Variants in RANBP2 observed in about 807,000 individuals in gnomAD.
RANBP2 encodes the protein RAN binding protein 2.
Under a neutral mutation model 303.6 loss-of-function variants are expected in RANBP2, and 57 were observed. The ratio of observed to expected loss-of-function variants is 0.19; its 90% CI spans 0.15 to 0.23. The LOEUF (loss-of-function observed/expected upper bound fraction) is 0.23, where lower values mean the gene tolerates loss of function less well. Among genes scored for constraint, RANBP2 ranks in the 10% least tolerant of loss-of-function variants. RANBP2 has a pLI of 1.00. For missense variants in RANBP2, 3,138 were observed against 3,780.8 expected (o/e 0.83, Z 4.46); for synonymous variants, 1,167 against 1,301.5 (o/e 0.90, Z 2.23).
At chr2:109,172,089 C>T in the RANBP2 span, among the ~76,000 whole-genome samples, 2 of 152,224 alleles carry the variant, frequency 1.3e-5, no homozygotes, top group Non-Finnish European at 2.9e-5. Flanking sequence ...TTGATATGCA[C>T]GTCATTTCCC....
chr2:109,379,603 G>A, the RANBP2 span, among the ~76,000 whole-genome samples: 2 of 152,198 alleles, frequency 1.3e-5, no homozygotes, highest in Admixed American at 1.3e-4. Flanking sequence ...AGTTTTGTTT[G>A]AAGTTTCATT....
chr2:109,505,894 C>CA, the RANBP2 span, among the ~76,000 whole-genome samples: 1 of 152,202 alleles, frequency 6.6e-6, no homozygotes, highest in African/African-American at 2.4e-5. Flanking sequence ...ATGCCCATCA[C>CA]AGTCTGTCTG....
the RANBP2 span, among the ~76,000 whole-genome samples, chr2:109,089,668 G>T: frequency 1.2e-3 from 177 of 152,182 alleles, 1 homozygote; most frequent in African/African-American, 4.0e-3. Flanking sequence ...AACTCAGGAG[G>T]GATAAGGAAA....
chr2:109,655,255 A>G, the RANBP2 span, among the ~76,000 whole-genome samples: 5 of 152,242 alleles, frequency 3.3e-5, no homozygotes, highest in East Asian at 9.7e-4. Context: ...GCCATGAACT[A>G]TGTGTCTCCG....
the RANBP2 span, among the ~76,000 whole-genome samples, chr2:109,281,694 A>G: frequency 1.4e-4 from 21 of 152,188 alleles, no homozygotes; most frequent in Non-Finnish European, 2.4e-4. Flanking sequence ...GATTCAGGGT[A>G]GAGGAAATCA....
chr2:109,088,202 T>G, the RANBP2 span, among the ~76,000 whole-genome samples: 2 of 151,798 alleles, frequency 1.3e-5, no homozygotes, highest in East Asian at 3.9e-4. Context: ...ATCAAGACCA[T>G]CCTGGCCAAC....
At chr2:109,501,588 C>G in the RANBP2 span, 3 of 779,592 alleles carry the variant, frequency 3.8e-6, 1 homozygote, top group South Asian at 2.7e-5. Flanking sequence ...GCACAAGAAG[C>G]GTGAGGACGG....
At chr2:109,510,096 G>A in the RANBP2 span, among the ~76,000 whole-genome samples, 1 of 152,290 alleles carries the variant, frequency 6.6e-6, no homozygotes, top group African/African-American at 2.4e-5. Flanking sequence ...AGAATGTTCG[G>A]TTGGCGGGAA....
chr2:109,102,267 AT>A, the RANBP2 span, among the ~76,000 whole-genome samples: 1 of 151,730 alleles, frequency 6.6e-6, no homozygotes, highest in South Asian at 2.1e-4. Flanking sequence ...TGCCTGGCCA[AT>A]TTTTTGTATT....
the RANBP2 span, among the ~76,000 whole-genome samples, chr2:109,555,913 A>C: frequency 6.6e-6 from 1 of 152,004 alleles, no homozygotes; most frequent in Non-Finnish European, 1.5e-5. Context: ...TGACTGCCAA[A>C]CTCCCCAGTT....
At chr2:109,497,605 C>T in the RANBP2 span, among the ~76,000 whole-genome samples, 24 of 152,312 alleles carry the variant, frequency 1.6e-4, no homozygotes, top group African/African-American at 5.8e-4. Context: ...CAGCTGCTGA[C>T]ACGGACACGA....
At chr2:109,472,609 C>G in the RANBP2 span, among the ~76,000 whole-genome samples, 1 of 152,188 alleles carries the variant, frequency 6.6e-6, no homozygotes, top group African/African-American at 2.4e-5. Context: ...CCATCTGTTT[C>G]ATTTAAAAAC....
chr2:108,806,878 T>A, the RANBP2 span, among the ~76,000 whole-genome samples: 2 of 152,216 alleles, frequency 1.3e-5, no homozygotes, highest in Non-Finnish European at 2.9e-5. Context: ...AGCTTCATCA[T>A]AGGGAGATAG....
the RANBP2 span, among the ~76,000 whole-genome samples, chr2:109,044,525 A>T: frequency 1.3e-5 from 2 of 152,068 alleles, no homozygotes; most frequent in Admixed American, 6.6e-5. Context: ...TCTGTCGCAA[A>T]AAATAAATAA....
the RANBP2 span, among the ~76,000 whole-genome samples, chr2:109,296,484 C>T: frequency 6.6e-6 from 1 of 152,028 alleles, no homozygotes; most frequent in East Asian, 1.9e-4. Flanking sequence ...TCAAGTGATC[C>T]ACCCGCTTCA....
the RANBP2 span, among the ~76,000 whole-genome samples, chr2:109,433,543 G>A: frequency 6.6e-6 from 1 of 152,218 alleles, no homozygotes; most frequent in Non-Finnish European, 1.5e-5. Context: ...ACACACAGAA[G>A]CGAAAGACGT....
rs1335175999 is a variant in RANBP2 at position 108,719,512 on chromosome 2, G to C, written c.-95G>C. 75 of 1,537,264 alleles carry C rather than the reference G, an allele frequency of 4.9e-5. No homozygotes were observed. Among genetic ancestry groups the C allele is most frequent in the Non-Finnish European group, 6.4e-5 (73 of 1,139,984 alleles). On this transcript the variant is annotated 5_prime_UTR_variant, in exon 1 of 29. Coordinates refer to ENST00000283195, the MANE Select transcript of RANBP2 (RefSeq NM_006267.5). ...GGTCCTCCGCCGGCTACGGCGCTGCGTCACTGGTTTGCAGGCGCTTTCCTC... is the reference window on the plus strand; with the variant it reads ...GGTCCTCCGCCGGCTACGGCGCTGCCTCACTGGTTTGCAGGCGCTTTCCTC...
At chr2:109,730,696 C>T in the RANBP2 span, among the ~76,000 whole-genome samples, 4,013 of 149,844 alleles carry the variant, frequency 0.027, 67 homozygotes, top group Non-Finnish European at 0.04. Flanking sequence ...TGACAGTCCT[C>T]TTCTGGGTTG....
At chr2:109,021,378 C>T in the RANBP2 span, among the ~76,000 whole-genome samples, 1 of 151,996 alleles carries the variant, frequency 6.6e-6, no homozygotes, top group East Asian at 1.9e-4. Flanking sequence ...AAAAAAGTAG[C>T]CGGGCGTGGT....
Sources: gnomAD v4.1 joint callset for allele counts (sites outside exome capture counted in the v4.1 genomes callset) on GRCh38, gnomAD v4.1.1 for gene constraint, MANE v1.5 for transcripts, NCBI Gene and HGNC (gene_info 2026-07-23, HGNC 2026-07-21) for gene names.